The following HYDIN variants were observed in gnomAD, a reference collection of about 807,000 sequenced individuals.
The protein encoded by HYDIN is HYDIN axonemal central pair apparatus protein.
HYDIN carries 132 observed loss-of-function variants against 403.9 expected under a neutral mutation model. That is an observed-to-expected ratio of 0.33 (90% CI 0.28 to 0.38). The LOEUF (loss-of-function observed/expected upper bound fraction) is 0.38. Among genes scored for constraint, HYDIN ranks in the 10% least tolerant of loss-of-function variants. HYDIN has a pLI of 1.00. For missense variants in HYDIN, 2,827 were observed against 5,009.5 expected (o/e 0.56, Z 13.15); for synonymous variants, 1,202 against 1,891.7 (o/e 0.64, Z 9.46).
intron 9 of HYDIN, among the ~76,000 whole-genome samples, chr16:71,123,813 G>T (rs1684307613): frequency 6.6e-6 from 1 of 151,092 alleles, no homozygotes; most frequent in African/African-American, 2.4e-5. Flanking sequence ...TTTTATAATG[G>T]GAAACCCCTT....
At chr16:71,217,537 AG>A (rs2088951671) in intron 1 of HYDIN, among the ~76,000 whole-genome samples, 2 of 152,238 alleles carry the variant, frequency 1.3e-5, no homozygotes, top group African/African-American at 4.8e-5. Flanking sequence ...GTTAAATTTA[AG>A]GACTCATTTT....
chr16:70,940,811 CTAGA>C (rs2077647613), intron 43 of HYDIN, among the ~76,000 whole-genome samples: 1 of 152,176 alleles, frequency 6.6e-6, no homozygotes, highest in Non-Finnish European at 1.5e-5. Flanking sequence ...TATGATTTGA[CTAGA>C]TAGTGTTAGA....
At chr16:71,008,375 C>T (rs1485289575) in intron 23 of HYDIN, among the ~76,000 whole-genome samples, 1 of 152,160 alleles carries the variant, frequency 6.6e-6, no homozygotes, top group East Asian at 1.9e-4. Context: ...AGCGGGTATT[C>T]ATCCTCACTC....
intron 13 of HYDIN, 48 bp downstream of exon 13, chr16:71,079,837 G>C (rs1405287585): frequency 1.1e-6 from 1 of 887,198 alleles, no homozygotes. Flanking sequence ...TCCACGTAGA[G>C]AAAAGGAATC....
In HYDIN at chr16:70,809,941, T is replaced by C; in HGVS notation, c.14725A>G (p.Asn4909Asp). ...GETFGRLTLH[N>D]TDLGYYQYEL... ...TATTGGTAGTAACCCAAGTCAGTGT[T>C]GTGCAAAGTTAGTCTTCCGAAGGTT... The change falls in exon 85 of 86, where the codon AAC becomes GAC. Residue 4909 changes from asparagine to aspartate, a missense_variant. By Grantham distance (23) the Asn-to-Asp change is conservative (BLOSUM62 1). Transcript: ENST00000393567. 6.2e-7 allele frequency: 1 copy of C among 1,614,062 alleles called. No homozygotes were observed. The highest frequency in any genetic ancestry group is 8.5e-7 in the Non-Finnish European group (1 of 1,179,976).
In HYDIN at chr16:70,829,797, GC is replaced by G; in HGVS notation, c.13932del (p.Lys4644AsnfsTer53). On this transcript the variant is annotated frameshift_variant, in exon 81 of 86. Coordinates refer to ENST00000393567, the MANE Select transcript of HYDIN (RefSeq NM_001270974.2). LOFTEE classifies it high-confidence loss of function. ...TTTGACAGCAGGATGGTCTGCGTGT[GC>G]TTGGAGCGCACCTGGCACGTGAAAT... ...VVNFTCQVRS[K>X]HTQTILLSNR... 6 of 1,614,032 alleles carry G rather than the reference GC, an allele frequency of 3.7e-6. No individual in the cohort carries two copies. Among genetic ancestry groups the G allele is most frequent in the Non-Finnish European group, 5.1e-6 (6 of 1,179,874 alleles).
At chr16:70,937,451 G>A (rs1285544413) in intron 44 of HYDIN, among the ~76,000 whole-genome samples, 5 of 151,570 alleles carry the variant, frequency 3.3e-5, no homozygotes, top group African/African-American at 9.7e-5. Context: ...AGTTCAGTTC[G>A]AGATCAGCCT....
chr16:71,177,503 A>G (rs2086718687), intron 4 of HYDIN, among the ~76,000 whole-genome samples: 1 of 152,162 alleles, frequency 6.6e-6, no homozygotes, highest in Non-Finnish European at 1.5e-5. Flanking sequence ...AAAGAATGAA[A>G]CAGACCATTT....
chr16:70,813,671 A>C (rs1426130232), intron 84 of HYDIN, among the ~76,000 whole-genome samples: 1 of 152,170 alleles, frequency 6.6e-6, no homozygotes, highest in Non-Finnish European at 1.5e-5. Flanking sequence ...ATTCAATGTA[A>C]TCCAAATCAA....
At chr16:70,972,835 G>T (rs1398398) in intron 35 of HYDIN, among the ~76,000 whole-genome samples, 1 of 152,250 alleles carries the variant, frequency 6.6e-6, no homozygotes, top group Non-Finnish European at 1.5e-5. Context: ...ACAGTTGTTG[G>T]CAATGTTTGA....
chr16:71,009,713 G>A (rs985807773), intron 23 of HYDIN, among the ~76,000 whole-genome samples: 1 of 140,974 alleles, frequency 7.1e-6, no homozygotes, highest in African/African-American at 2.9e-5. Context: ...TTATATGAGG[G>A]AGGCAGAGGG....
intron 17 of HYDIN, among the ~76,000 whole-genome samples, chr16:71,061,460 G>A (rs567038711): frequency 6.6e-6 from 1 of 152,398 alleles, no homozygotes; most frequent in African/African-American, 2.4e-5. Flanking sequence ...TAGGAATACA[G>A]AGCCTGTTGG....
intron 9 of HYDIN, among the ~76,000 whole-genome samples, chr16:71,125,962 C>T (rs1243504406): frequency 6.7e-6 from 1 of 150,370 alleles, no homozygotes; most frequent in African/African-American, 2.5e-5. Flanking sequence ...TCTGTGTCCA[C>T]ATTCCACAGA....
rs564337976 is a variant in HYDIN, at chr16:70,880,769, G to T, written c.10216-1013C>A. Among the ~76,000 whole-genome samples the T allele has an allele frequency of 5.3e-4, 80 of 152,290 alleles. No individual in the cohort carries two copies. The South Asian group carries it at 0.011, about 21-fold the overall frequency. Reference sequence around the variant, plus strand: ...CCTTAAAAGGATTTTTCATTCTCATGGGAAGTAGGTGGGATTCAAGACTGA... The same window carrying T: ...CCTTAAAAGGATTTTTCATTCTCATTGGAAGTAGGTGGGATTCAAGACTGA... On this transcript the variant is annotated intron_variant, in intron 60 of 85. Transcript: ENST00000393567.
intron 50 of HYDIN, among the ~76,000 whole-genome samples, chr16:70,905,797 T>TA (rs1385456682): frequency 6.6e-6 from 1 of 152,042 alleles, no homozygotes; most frequent in Non-Finnish European, 1.5e-5. Flanking sequence ...CATGTGCCTC[T>TA]TTGAACAACC....
At chr16:70,962,296 AG>A (rs1389532781) in intron 37 of HYDIN, among the ~76,000 whole-genome samples, 158 bp from the exon 38 acceptor site, 1 of 151,254 alleles carries the variant, frequency 6.6e-6, no homozygotes, top group East Asian at 2.0e-4. Flanking sequence ...AACTGCAGTC[AG>A]TTGGCTATTC....
chr16:71,052,846 G>GA (rs367808434), intron 18 of HYDIN, among the ~76,000 whole-genome samples: 51 of 139,660 alleles, frequency 3.7e-4, no homozygotes, highest in African/African-American at 1.3e-3. Context: ...GTAAGAACCT[G>GA]AAAAAAAAAG....
intron 12 of HYDIN, among the ~76,000 whole-genome samples, chr16:71,086,358 T>C (rs889573222): frequency 1.3e-5 from 2 of 151,260 alleles, no homozygotes; most frequent in Non-Finnish European, 2.9e-5. Flanking sequence ...CCAAAATACA[T>C]ATTTATTCCT....
chr16:71,224,624 G>C (rs2040951452), intron 1 of HYDIN, among the ~76,000 whole-genome samples: 4 of 146,894 alleles, frequency 2.7e-5, no homozygotes, highest in South Asian at 2.2e-4. Context: ...TGCAGTGGCG[G>C]GATCTCGGCT....
Sources: allele counts gnomAD v4.1 joint callset (sites outside exome capture counted in the v4.1 genomes callset), GRCh38; gene constraint gnomAD v4.1.1; transcripts MANE v1.5; gene names NCBI Gene and HGNC (gene_info 2026-07-23, HGNC 2026-07-21).